OSBPL1A: variants seen among roughly 807,000 people sequenced by gnomAD.
OSBPL1A encodes oxysterol binding protein like 1A, also known as oxysterol-binding protein-related protein 1.
In OSBPL1A, 80 loss-of-function variants were observed where a neutral mutation model predicts 137.1. That is an observed-to-expected ratio of 0.58 (90% CI 0.49 to 0.70). The LOEUF (loss-of-function observed/expected upper bound fraction) is 0.70, where lower values mean the gene tolerates loss of function less well. OSBPL1A is among the 30% of genes least tolerant of loss of function. OSBPL1A has a pLI of 0.00. For missense variants in OSBPL1A, 970 were observed against 1,129.4 expected, an observed-to-expected ratio of 0.86 and a Z score of 2.02; for synonymous variants, 365 against 389.7, an observed-to-expected ratio of 0.94 and a Z score of 0.75.
chr18:24,316,234 C>A (rs73394340), intron 11 of OSBPL1A, among the ~76,000 whole-genome samples: 12,213 of 151,904 alleles, frequency 0.08, 1,590 homozygotes, highest in African/African-American at 0.27. Flanking sequence ...GCCCTCCAGC[C>A]TGGGAGACAG....
intron 14 of OSBPL1A, among the ~76,000 whole-genome samples, chr18:24,282,462 T>A (rs943646115): frequency 1.6e-4 from 25 of 152,186 alleles, no homozygotes; most frequent in Non-Finnish European, 3.4e-4. Context: ...CCATTGAGTA[T>A]ATGTTTAAGT....
At chr18:24,202,982 A>G (rs1442117052) in intron 17 of OSBPL1A, among the ~76,000 whole-genome samples, 1 of 152,216 alleles carries the variant, frequency 6.6e-6, no homozygotes, top group Non-Finnish European at 1.5e-5. Context: ...TTAAAAAATA[A>G]TTACTTTTTT....
intron 14 of OSBPL1A, among the ~76,000 whole-genome samples, chr18:24,302,236 GAA>G (rs368812387): frequency 9.4e-6 from 1 of 106,410 alleles, no homozygotes; most frequent in African/African-American, 3.3e-5. Context: ...TCCATCTCAA[GAA>G]AAAAAAAAAA....
chr18:24,216,229 A>G (rs978668065), intron 17 of OSBPL1A, among the ~76,000 whole-genome samples: 19 of 152,150 alleles, frequency 1.2e-4, no homozygotes, highest in Non-Finnish European at 2.4e-4. Context: ...AAACTGGCCA[A>G]GCGCAGTGGC....
intron 15 of OSBPL1A, among the ~76,000 whole-genome samples, chr18:24,252,888 T>C (rs2089143042): frequency 6.6e-6 from 1 of 152,108 alleles, no homozygotes. Context: ...GCAATCAGCG[T>C]TGTCATCAGT....
chr18:24,172,261 T>C (rs2086306973), intron 22 of OSBPL1A, 115 bp downstream of exon 22: 1 of 775,670 alleles, frequency 1.3e-6, no homozygotes. Flanking sequence ...TCTTAAATTT[T>C]CATCAGCCTG....
At chr18:24,351,347 C>CAAAAAAAAAAAAAAAAAAAA (rs1172514692) in intron 4 of OSBPL1A, among the ~76,000 whole-genome samples, 37 of 35,758 alleles carry the variant, frequency 1.0e-3, no homozygotes, top group African/African-American at 2.0e-3. Flanking sequence ...GACTCTGTCT[C>CAAAAAAAAAAAAAAAAAAAA]AAAAAAAAAA....
chr18:24,339,844 A>G (rs1015872211), intron 5 of OSBPL1A, among the ~76,000 whole-genome samples: 3 of 152,220 alleles, frequency 2.0e-5, no homozygotes, highest in Non-Finnish European at 4.4e-5. Flanking sequence ...CAGAAACAAG[A>G]CACTGACCTT....
intron 17 of OSBPL1A, among the ~76,000 whole-genome samples, chr18:24,196,680 A>G (rs1378385120): frequency 6.6e-6 from 1 of 152,262 alleles, no homozygotes; most frequent in Non-Finnish European, 1.5e-5. Context: ...CATAAAAGCC[A>G]AAGTATTTTT....
At chr18:24,283,864 A>G (rs1441680068) in intron 14 of OSBPL1A, among the ~76,000 whole-genome samples, 2 of 152,176 alleles carry the variant, frequency 1.3e-5, no homozygotes, top group Non-Finnish European at 2.9e-5. Context: ...ATGAAGCAAC[A>G]TTAATGGTCC....
intron 15 of OSBPL1A, among the ~76,000 whole-genome samples, chr18:24,272,748 G>A (rs45444301): frequency 0.28 from 42,329 of 152,032 alleles, 7,106 homozygotes; most frequent in Middle Eastern, 0.41. Flanking sequence ...CAAGATCCTA[G>A]GTACTTTAAG....
chr18:24,214,849 T>A (rs992727730), intron 17 of OSBPL1A, among the ~76,000 whole-genome samples: 1 of 152,240 alleles, frequency 6.6e-6, no homozygotes, highest in Admixed American at 6.5e-5. Context: ...CAAATATGAC[T>A]GTGTTGCTTT....
At chr18:24,267,850 T>C (rs2089619880) in intron 15 of OSBPL1A, among the ~76,000 whole-genome samples, 1 of 152,080 alleles carries the variant, frequency 6.6e-6, no homozygotes, top group Non-Finnish European at 1.5e-5. Flanking sequence ...ATGCCTTTTT[T>C]TTTTTTTTTA....
At chr18:24,344,827 T>C (rs931823932) in intron 4 of OSBPL1A, among the ~76,000 whole-genome samples, 3 of 152,080 alleles carry the variant, frequency 2.0e-5, no homozygotes, top group Non-Finnish European at 2.9e-5. Flanking sequence ...TTTTGTTTTC[T>C]TGGGGGGAGA....
intron 15 of OSBPL1A, among the ~76,000 whole-genome samples, chr18:24,252,127 G>T (rs1189780332): frequency 6.6e-6 from 1 of 152,220 alleles, no homozygotes; most frequent in Middle Eastern, 3.4e-3. Context: ...TAAAGAGGAG[G>T]TAGAGAAAGA....
chr18:24,347,431 C>T (rs1398515729), intron 4 of OSBPL1A, among the ~76,000 whole-genome samples: 1 of 152,158 alleles, frequency 6.6e-6, no homozygotes, highest in Non-Finnish European at 1.5e-5. Context: ...GCGATCCGCC[C>T]GTCTTGGCCT....
At chr18:24,261,750 C>A (rs1177046035) in intron 15 of OSBPL1A, among the ~76,000 whole-genome samples, 1 of 152,102 alleles carries the variant, frequency 6.6e-6, no homozygotes, top group Non-Finnish European at 1.5e-5. Flanking sequence ...GGACGATCAT[C>A]TGACCCAGGG....
rs1174285666 is a variant in OSBPL1A at position 24,163,128 on chromosome 18, A to G, written c.*51T>C. 4 of 1,353,738 alleles carry G rather than the reference A, an allele frequency of 3.0e-6. No homozygotes were observed. Among genetic ancestry groups the G allele is most frequent in the Non-Finnish European group, 4.1e-6 (4 of 973,348 alleles). The allele number at this position is 1,353,738 out of a possible 1,614,324, so 83.9% of individuals were successfully genotyped here. A position where few individuals can be genotyped will look rare whatever the true frequency, so the allele number is the denominator to read the frequency against. ...CCAAGGGAAAAAAATTTAAAAACATAGGTTTAAGACTTATTTGTAGATTAG... is the reference window on the plus strand; with the variant it reads ...CCAAGGGAAAAAAATTTAAAAACATGGGTTTAAGACTTATTTGTAGATTAG... On this transcript the variant is annotated 3_prime_UTR_variant, in exon 28 of 28. Transcript: ENST00000319481.
intron 16 of OSBPL1A, among the ~76,000 whole-genome samples, chr18:24,237,220 G>T (rs2088511537): frequency 6.6e-6 from 1 of 152,204 alleles, no homozygotes; most frequent in South Asian, 2.1e-4. Flanking sequence ...GGGATAACAG[G>T]TGAAGAGAAT....
Sources: gnomAD v4.1 joint callset for allele counts (sites outside exome capture counted in the v4.1 genomes callset) on GRCh38, gnomAD v4.1.1 for gene constraint, MANE v1.5 for transcripts, NCBI Gene and HGNC (gene_info 2026-07-23, HGNC 2026-07-21) for gene names.